The following GSTA1 variants were observed in gnomAD, a reference collection of about 807,000 sequenced individuals.
GSTA1 encodes glutathione S-transferase A1.
Under a neutral mutation model 21.5 loss-of-function variants are expected in GSTA1, and 23 were observed. That is an observed-to-expected ratio of 1.07 (90% CI 0.77 to 1.52). The LOEUF is 1.52. Ranked by LOEUF, GSTA1 falls within the 40% of genes most tolerant of loss-of-function variation. The pLI, the probability that GSTA1 is intolerant of heterozygous loss-of-function variation, is 0.00. For missense variants in GSTA1, 301 were observed against 264.2 expected (o/e 1.14, Z -0.96); for synonymous variants, 125 against 90.0 (o/e 1.39, Z -2.20).
intron 4 of GSTA1, among the ~76,000 whole-genome samples, chr6:52,794,953 A>G (rs114077662): frequency 1.3e-5 from 2 of 152,186 alleles, no homozygotes; most frequent in African/African-American, 2.4e-5. Context: ...TAAAACAAGA[A>G]CTTTATTGAT....
In GSTA1 at chr6:52,799,208, C is replaced by A; in HGVS notation, c.60G>T (p.Arg20=). ...FNARGRMEST[R]WLLAAAGVEF... is the part of the protein sequence containing the mutation. ...CTACTCCAGCTGCAGCCAGGAGCCA[C>A]CGGGTGGACTCCATTCTGCCCCGTG... The change falls in exon 2 of 7, where the codon CGG becomes CGT. Residue 20 remains arginine, a synonymous_variant. Transcript: ENST00000334575. 1 of 1,613,958 alleles carries A rather than the reference C, an allele frequency of 6.2e-7. No homozygotes were observed.
chr6:52,795,127 C>T (rs1455869507), intron 4 of GSTA1, among the ~76,000 whole-genome samples: 4 of 152,006 alleles, frequency 2.6e-5, no homozygotes, highest in African/African-American at 7.2e-5. Flanking sequence ...TTTCTCCAAG[C>T]CCCACTCCTT....
At chr6:52,799,138 A>G (rs772521897) in intron 2 of GSTA1, 43 bp downstream of exon 2, 23 of 1,572,352 alleles carry the variant, frequency 1.5e-5, no homozygotes, top group Middle Eastern at 3.3e-4. Flanking sequence ...ATGTGATAAC[A>G]CAATTTTAAA....
chr6:52,797,588 TTTC>T lies in GSTA1; in HGVS notation c.134_136del (p.Arg45del), dbSNP rs1311764114. 1 of 1,606,856 alleles carries T rather than the reference TTTC, an allele frequency of 6.2e-7. No individual in the cohort carries two copies. Among genetic ancestry groups the T allele is most frequent in the African/African-American group, 1.3e-5 (1 of 74,760 alleles). On this transcript the variant is annotated inframe_deletion, in exon 3 of 7. Coordinates refer to ENST00000334575, the MANE Select transcript of GSTA1 (RefSeq NM_145740.5). ...AGGAACTTAGAGATTGATCTTACCATTTCTTAACTTGTCCAAATCTTCTGCAGA... is the reference window on the plus strand; with the variant it reads ...AGGAACTTAGAGATTGATCTTACCATTTAACTTGTCCAAATCTTCTGCAGA...
At chr6:52,795,499 G>T (rs1382370134) in intron 4 of GSTA1, among the ~76,000 whole-genome samples, 2 of 152,104 alleles carry the variant, frequency 1.3e-5, no homozygotes, top group Non-Finnish European at 2.9e-5. Context: ...GGAACTGCTG[G>T]GTCATTGGTA....
At chr6:52,793,685 T>G (rs867135945) in intron 5 of GSTA1, among the ~76,000 whole-genome samples, 1 of 152,132 alleles carries the variant, frequency 6.6e-6, no homozygotes, top group Non-Finnish European at 1.5e-5. Context: ...AAAATACCCA[T>G]CCCTGAAACG....
chr6:52,797,719 C>A (rs1475913921), intron 2 of GSTA1, 82 bp from the exon 3 acceptor site: 15 of 1,190,752 alleles, frequency 1.3e-5, no homozygotes, highest in Admixed American at 3.5e-5. Flanking sequence ...TCTGGTGCAT[C>A]ATTTGGAGAA....
In GSTA1 at chr6:52,796,493, G is replaced by A. The variant is rs1205131040; in HGVS notation, c.140-179C>T. The stretch of plus-strand genomic sequence containing the variant: ...TATATATATATATATATATATATGT[G>A]TGTGTGTGTGTGTGTGTGTGTGTGT... On this transcript the variant is annotated intron_variant, in intron 3 of 6. Coordinates refer to ENST00000334575, the MANE Select transcript of GSTA1 (RefSeq NM_145740.5). Among the ~76,000 whole-genome samples, 4 of 11,644 alleles carry A rather than the reference G, an allele frequency of 3.4e-4. No individual in the cohort carries two copies. The African/African-American group carries it at 3.6e-3, about 11-fold the overall frequency. 7.6% of individuals were successfully genotyped at this position (11,644 alleles called of 152,430 possible).
At chr6:52,797,338 G>A (rs1489267013) in intron 3 of GSTA1, among the ~76,000 whole-genome samples, 1 of 152,148 alleles carries the variant, frequency 6.6e-6, no homozygotes, top group Non-Finnish European at 1.5e-5. Flanking sequence ...TGAAAACAAA[G>A]AAAGGGCTTT....
intron 6 of GSTA1, 121 bp downstream of exon 6, chr6:52,792,735 A>T (rs1463989688): frequency 6.2e-7 from 1 of 1,602,808 alleles, no homozygotes; most frequent in Admixed American, 1.7e-5. Flanking sequence ...CATTTTGGAG[A>T]CCTTGGGGCA....
intron 4 of GSTA1, 35 bp downstream of exon 4, chr6:52,796,147 T>A (rs1763574399): frequency 6.2e-7 from 1 of 1,611,634 alleles, no homozygotes; most frequent in Admixed American, 1.7e-5. Context: ...CACTCTGTGT[T>A]CTCTGTGGAT....
intron 4 of GSTA1, 102 bp downstream of exon 4, chr6:52,796,080 C>T: frequency 1.3e-6 from 2 of 1,560,002 alleles, no homozygotes; most frequent in African/African-American, 1.4e-5. Flanking sequence ...AAGGCCCAGC[C>T]TGCTGCTGGT....
chr6:52,794,140 G>A lies in GSTA1; in HGVS notation c.399C>T (p.Phe133=). The part of the protein sequence containing the change: ...LIKEKIKNRY[F]PAFEKVLKSH... ...CTTCACTTACTTTTTCAAAGGCAGGGAAGTAGCGATTTTTTATTTTCTCTT... is the reference window on the plus strand; with the variant it reads ...CTTCACTTACTTTTTCAAAGGCAGGAAAGTAGCGATTTTTTATTTTCTCTT... The change falls in exon 5 of 7, where the codon TTC becomes TTT. Residue 133 remains phenylalanine, a synonymous_variant. Coordinates refer to ENST00000334575, the MANE Select transcript of GSTA1 (RefSeq NM_145740.5). The A allele has an allele frequency of 1.2e-6, 2 of 1,613,966 alleles. No homozygotes were observed. Among genetic ancestry groups the A allele is most frequent in the South Asian group, 1.1e-5 (1 of 91,066 alleles).
chr6:52,803,324 T>C (rs1271628794), intron 1 of GSTA1, among the ~76,000 whole-genome samples: 1 of 152,182 alleles, frequency 6.6e-6, no homozygotes, highest in Admixed American at 6.5e-5. Context: ...AGAATCTAGT[T>C]CTCCTGACAT....
chr6:52,798,975 C>G (rs574968181), intron 2 of GSTA1, among the ~76,000 whole-genome samples: 1 of 152,090 alleles, frequency 6.6e-6, no homozygotes, highest in Admixed American at 6.5e-5. Flanking sequence ...TGATTAGTGT[C>G]TTAATTGTAT....
At chr6:52,795,975 C>A (rs1324653751) in intron 4 of GSTA1, among the ~76,000 whole-genome samples, 1 of 152,144 alleles carries the variant, frequency 6.6e-6, no homozygotes, top group Admixed American at 6.5e-5. Context: ...GGACTGCATC[C>A]TCTTCTAGAA....
rs1259245107 is a variant in GSTA1 at position 52,791,758 on chromosome 6, G to C, written c.*100C>G. 7.2e-7 allele frequency: 1 copy of C among 1,380,388 alleles called. No homozygotes were observed. The highest frequency in any genetic ancestry group is 1.5e-5 in the African/African-American group (1 of 68,752). 85.5% of individuals were successfully genotyped at this position (1,380,388 alleles called of 1,614,324 possible). ...GCATATAATTTGAAAGAGTTCATTAGCTTCACAACAGGCACAATCAACACT... is the reference window on the plus strand; with the variant it reads ...GCATATAATTTGAAAGAGTTCATTACCTTCACAACAGGCACAATCAACACT... On this transcript the variant is annotated 3_prime_UTR_variant, in exon 7 of 7. Transcript: ENST00000334575.
rs201803852 is a variant in GSTA1, at chr6:52,792,903, C to T, written c.499G>A (p.Val167Ile). 151 of 1,613,944 alleles carry T rather than the reference C, an allele frequency of 9.4e-5. No homozygotes were observed. Among genetic ancestry groups the T allele is most frequent in the Non-Finnish European group, 1.1e-4 (126 of 1,179,980 alleles). The change falls in exon 6 of 7, where the codon GTC becomes ATC. Residue 167 changes from valine to isoleucine, a missense_variant. Transcript: ENST00000334575. The part of the protein sequence containing the change: ...DIHLVELLYY[V>I]EELDSSLISS... The stretch of plus-strand genomic sequence containing the variant: ...ATAAGACTGGAGTCAAGCTCCTCGA[C>T]GTAGTAGAGAAGTTCCACCAGATGA...
At chr6:52,792,371 A>C (rs567404516) in intron 6 of GSTA1, among the ~76,000 whole-genome samples, 4 of 152,338 alleles carry the variant, frequency 2.6e-5, no homozygotes, top group Non-Finnish European at 4.4e-5. Flanking sequence ...AATATTAAAG[A>C]CAAACCATGG....
Sources: gnomAD v4.1 joint callset for allele counts (sites outside exome capture counted in the v4.1 genomes callset) on GRCh38, gnomAD v4.1.1 for gene constraint, MANE v1.5 for transcripts, NCBI Gene and HGNC (gene_info 2026-07-23, HGNC 2026-07-21) for gene names.